Variants in RDX observed in about 807,000 individuals in gnomAD.
The protein encoded by RDX is deafness, autosomal recessive 24.
A neutral mutation model predicts 83.7 loss-of-function variants in RDX; 32 were observed. The observed-to-expected ratio is 0.38, with a 90% CI of 0.29 to 0.51. The LOEUF (loss-of-function observed/expected upper bound fraction) is 0.51, where lower values mean the gene tolerates loss of function less well. RDX is among the 20% of genes least tolerant of loss of function. RDX has a pLI of 0.87. For missense variants in RDX, 600 were observed against 689.9 expected, an observed-to-expected ratio of 0.87 and a Z score of 1.46; for synonymous variants, 229 against 222.7, an observed-to-expected ratio of 1.03 and a Z score of -0.25.
At chr11:110,281,834 C>T (rs971767118) in intron 1 of RDX, among the ~76,000 whole-genome samples, 3 of 150,914 alleles carry the variant, frequency 2.0e-5, no homozygotes, top group Non-Finnish European at 4.4e-5. Flanking sequence ...AGGCCAGGCG[C>T]GATAGCTCAC....
intron 10 of RDX, among the ~76,000 whole-genome samples, chr11:110,239,841 T>TTAAAAA (rs1355828056): frequency 7.4e-6 from 1 of 134,608 alleles, no homozygotes; most frequent in African/African-American, 2.7e-5. Context: ...ACTCTGTTTT[T>TTAAAAA]AAAAAAAAAA....
At chr11:110,195,406 C>T (rs921983736) in intron 15 of RDX, among the ~76,000 whole-genome samples, 32 of 152,198 alleles carry the variant, frequency 2.1e-4, no homozygotes, top group Admixed American at 5.2e-4. Context: ...CATCCCAGCT[C>T]TGCCACTGAA....
chr11:110,262,091 CCAT>C (rs1565321318), intron 5 of RDX, among the ~76,000 whole-genome samples: 2 of 151,962 alleles, frequency 1.3e-5, no homozygotes, highest in Non-Finnish European at 2.9e-5. Flanking sequence ...TGAAATTCCA[CCAT>C]AATAGTCTGA....
At position 110,290,127 on chromosome 11, in the gene RDX, G is replaced by GA. The variant is rs201958278; in HGVS notation, c.-65+6339dup. On this transcript the variant is annotated intron_variant, in intron 1 of 13. Coordinates refer to ENST00000645495, the MANE Select transcript of RDX (RefSeq NM_002906.4). Reference sequence around the variant, plus strand: ...AAAAACAACAGGAAGATTTAACAAAGAAAAAAAAACAGAGGAAGCAAGAAA... The same window carrying GA: ...AAAAACAACAGGAAGATTTAACAAAGAAAAAAAAAACAGAGGAAGCAAGAAA... 2.1e-3 allele frequency among the ~76,000 whole-genome samples: 316 copies of GA among 150,404 alleles called. 2 individuals are homozygous for GA. Among genetic ancestry groups the GA allele is most frequent in the African/African-American group, 7.0e-3 (286 of 40,994 alleles).
intron 13 of RDX, among the ~76,000 whole-genome samples, chr11:110,232,538 A>G (rs532167353): frequency 1.5e-5 from 2 of 137,692 alleles, no homozygotes; most frequent in South Asian, 4.8e-4. Flanking sequence ...CCTTTTGCCA[A>G]TATAAAATCT....
At chr11:110,186,738 C>T (rs1741608350) in intron 15 of RDX, among the ~76,000 whole-genome samples, 1 of 152,104 alleles carries the variant, frequency 6.6e-6, no homozygotes, top group South Asian at 2.1e-4. Context: ...TTCTCCCAAG[C>T]CCTGGAGCGG....
chr11:110,288,025 G>A (rs917669444), intron 1 of RDX, among the ~76,000 whole-genome samples: 8 of 152,190 alleles, frequency 5.3e-5, no homozygotes, highest in Admixed American at 4.6e-4. Context: ...TACCTCTAAA[G>A]ATGTTTTAAG....
At chr11:110,258,487 C>T (rs1045753033) in intron 5 of RDX, among the ~76,000 whole-genome samples, 7 of 151,890 alleles carry the variant, frequency 4.6e-5, no homozygotes, top group African/African-American at 1.5e-4. Context: ...CCAGGGATCT[C>T]TTTTTTTTAC....
chr11:110,194,193 C>G, intron 15 of RDX, among the ~76,000 whole-genome samples: 1 of 152,196 alleles, frequency 6.6e-6, no homozygotes, highest in East Asian at 1.9e-4. Flanking sequence ...AATTCTCTTC[C>G]AGGCTGTATT....
intron 15 of RDX, among the ~76,000 whole-genome samples, chr11:110,198,079 A>C (rs1258407049): frequency 6.6e-6 from 1 of 152,186 alleles, no homozygotes; most frequent in East Asian, 1.9e-4. Context: ...TTTGTCACAT[A>C]AATAAGTCTA....
chr11:110,228,465 C>A (rs912388670), downstream of RDX, among the ~76,000 whole-genome samples: 2 of 151,998 alleles, frequency 1.3e-5, no homozygotes, highest in African/African-American at 2.4e-5. Context: ...CCACACTGAA[C>A]TGTTTTCTCT....
chr11:110,252,358 A>G (rs1436013936), intron 9 of RDX, among the ~76,000 whole-genome samples: 1 of 152,208 alleles, frequency 6.6e-6, no homozygotes, highest in Admixed American at 6.5e-5. Context: ...GAAGCAATAC[A>G]GTATTTCTCT....
At chr11:110,287,889 G>A (rs1861052156) in intron 1 of RDX, among the ~76,000 whole-genome samples, 1 of 152,102 alleles carries the variant, frequency 6.6e-6, no homozygotes, top group African/African-American at 2.4e-5. Flanking sequence ...CCTAGTCTTG[G>A]GCTCTTTTGA....
intron 10 of RDX, among the ~76,000 whole-genome samples, chr11:110,242,831 A>C (rs1233405184): frequency 2.0e-5 from 3 of 152,018 alleles, no homozygotes; most frequent in African/African-American, 7.2e-5. Context: ...AGGAGTTAGC[A>C]AACTATGGCT....
chr11:110,293,296 G>C (rs1861318544), intron 1 of RDX, among the ~76,000 whole-genome samples: 1 of 152,176 alleles, frequency 6.6e-6, no homozygotes, highest in Non-Finnish European at 1.5e-5. Context: ...AGGGGCTGGG[G>C]TGTTCCAGGG....
At chr11:110,282,728 C>T (rs1347494256) in intron 1 of RDX, among the ~76,000 whole-genome samples, 1 of 152,130 alleles carries the variant, frequency 6.6e-6, no homozygotes, top group Non-Finnish European at 1.5e-5. Flanking sequence ...CCTGTAATTC[C>T]AGCACTTTGG....
intron 15 of RDX, among the ~76,000 whole-genome samples, chr11:110,178,733 G>A (rs542886083): frequency 2.0e-5 from 3 of 152,302 alleles, no homozygotes; most frequent in East Asian, 1.9e-4. Context: ...TAGTGAGGGC[G>A]CAGAGAGGAA....
chr11:110,273,043 A>C (rs1260607834), intron 2 of RDX: 2 of 456,364 alleles, frequency 4.4e-6, no homozygotes, highest in Non-Finnish European at 8.8e-6. Context: ...CCTGGGGAAC[A>C]CAGCAAGACT....
intron 5 of RDX, among the ~76,000 whole-genome samples, chr11:110,262,916 T>C (rs1387740079): frequency 6.6e-6 from 1 of 152,148 alleles, no homozygotes; most frequent in African/African-American, 2.4e-5. Context: ...AGCAGTACAC[T>C]GTAGATAAGA....
Sources: allele counts gnomAD v4.1 joint callset (sites outside exome capture counted in the v4.1 genomes callset), GRCh38; gene constraint gnomAD v4.1.1; transcripts MANE v1.5; gene names NCBI Gene and HGNC (gene_info 2026-07-23, HGNC 2026-07-21).